Variants in IMMP2L observed in about 807,000 individuals in gnomAD.
IMMP2L encodes inner mitochondrial membrane peptidase subunit 2.
Under a neutral mutation model 19.3 loss-of-function variants are expected in IMMP2L, and 18 were observed. That is an observed-to-expected ratio of 0.93 (90% confidence interval 0.64 to 1.38). The LOEUF (loss-of-function observed/expected upper bound fraction) is 1.38, where lower values mean the gene tolerates loss of function less well. Ranked by LOEUF, IMMP2L falls within the 40% of genes most tolerant of loss-of-function variation. IMMP2L has a pLI of 0.00. For synonymous variants in IMMP2L, 76 were observed against 73.0 expected, an observed-to-expected ratio of 1.04 and a Z score of -0.21; for missense variants, 233 against 218.2, an observed-to-expected ratio of 1.07 and a Z score of -0.43.
At chr7:111,231,213 G>A (rs889317528) in intron 3 of IMMP2L, among the ~76,000 whole-genome samples, 3 of 151,836 alleles carry the variant, frequency 2.0e-5, no homozygotes, top group Non-Finnish European at 4.4e-5. Flanking sequence ...AAATGCAGGA[G>A]GTAAATTATT....
chr7:110,860,156 C>A (rs1347970328), intron 5 of IMMP2L, among the ~76,000 whole-genome samples: 3 of 151,718 alleles, frequency 2.0e-5, no homozygotes, highest in African/African-American at 7.3e-5. Context: ...GCATTATATT[C>A]CATTTTGTGG....
intron 3 of IMMP2L, among the ~76,000 whole-genome samples, chr7:111,082,653 T>C (rs1795979998): frequency 6.6e-6 from 1 of 152,178 alleles, no homozygotes; most frequent in African/African-American, 2.4e-5. Context: ...GGTTCACACA[T>C]AGGCTCTCAG....
intron 5 of IMMP2L, among the ~76,000 whole-genome samples, chr7:110,830,470 T>G (rs1257125488): frequency 6.9e-6 from 1 of 145,340 alleles, no homozygotes; most frequent in African/African-American, 2.4e-5. Flanking sequence ...TTCCTTAAAG[T>G]AAAGTGGACA....
chr7:111,016,194 C>T (rs191404039), intron 3 of IMMP2L, among the ~76,000 whole-genome samples: 29 of 151,464 alleles, frequency 1.9e-4, no homozygotes, highest in Non-Finnish European at 5.9e-5. Context: ...ATTAAAACTA[C>T]GTCTTCACTT....
At chr7:111,201,484 G>A (rs923136549) in intron 3 of IMMP2L, among the ~76,000 whole-genome samples, 2 of 146,020 alleles carry the variant, frequency 1.4e-5, no homozygotes, top group East Asian at 1.9e-4. Context: ...GGGAGGCTGA[G>A]GGGGGCAGAC....
At chr7:111,094,232 G>A (rs919973432) in intron 3 of IMMP2L, among the ~76,000 whole-genome samples, 9 of 151,844 alleles carry the variant, frequency 5.9e-5, no homozygotes, top group Non-Finnish European at 1.2e-4. Context: ...CTCTATAACC[G>A]GAGTTTCGTT....
At chr7:110,867,946 C>A (rs1029050729) in intron 5 of IMMP2L, among the ~76,000 whole-genome samples, 3 of 151,840 alleles carry the variant, frequency 2.0e-5, no homozygotes, top group Admixed American at 1.3e-4. Flanking sequence ...GTGTTGTCAC[C>A]CCCAGAGGTC....
chr7:111,377,300 G>T (rs1830763204), intron 3 of IMMP2L, among the ~76,000 whole-genome samples: 3 of 151,610 alleles, frequency 2.0e-5, no homozygotes, highest in Non-Finnish European at 4.4e-5. Flanking sequence ...TATAAAGAAG[G>T]AAAACATCCC....
At chr7:110,994,707 C>T (rs1822854980) in intron 3 of IMMP2L, among the ~76,000 whole-genome samples, 2 of 152,230 alleles carry the variant, frequency 1.3e-5, no homozygotes, top group African/African-American at 4.8e-5. Flanking sequence ...CTTGTCTAAG[C>T]CTTTGTTATT....
intron 3 of IMMP2L, among the ~76,000 whole-genome samples, chr7:111,084,084 A>G (rs571097194): frequency 6.6e-6 from 1 of 152,134 alleles, no homozygotes; most frequent in Non-Finnish European, 1.5e-5. Flanking sequence ...TGGAAGCAAG[A>G]AAGATGAACT....
chr7:110,950,081 C>T (rs10248904), intron 4 of IMMP2L, among the ~76,000 whole-genome samples: 1,656 of 152,192 alleles, frequency 0.011, 29 homozygotes, highest in African/African-American at 0.037. Context: ...TCTTTCTAGA[C>T]GTTGCACATT....
intron 3 of IMMP2L, among the ~76,000 whole-genome samples, chr7:111,033,426 A>G (rs1791033321): frequency 6.6e-6 from 1 of 152,100 alleles, no homozygotes. Context: ...TTCTAACAAA[A>G]CTAAATAGAC....
intron 3 of IMMP2L, among the ~76,000 whole-genome samples, chr7:111,224,667 C>A (rs1048373794): frequency 7.9e-5 from 12 of 152,174 alleles, no homozygotes; most frequent in Admixed American, 4.6e-4. Flanking sequence ...CCATGAGAAC[C>A]TTTCAGGAGT....
At chr7:110,968,001 C>T (rs1421777189) in intron 3 of IMMP2L, among the ~76,000 whole-genome samples, 2 of 151,928 alleles carry the variant, frequency 1.3e-5, no homozygotes, top group Non-Finnish European at 2.9e-5. Context: ...TTTAATATTG[C>T]CCATTCTCTA....
At chr7:110,812,326 C>A (rs1802100251) in intron 5 of IMMP2L, among the ~76,000 whole-genome samples, 1 of 152,016 alleles carries the variant, frequency 6.6e-6, no homozygotes, top group South Asian at 2.1e-4. Flanking sequence ...CTAGCTGAAG[C>A]AACAGCTCAT....
At chr7:111,392,642 T>A (rs1427623079) in intron 3 of IMMP2L, among the ~76,000 whole-genome samples, 1 of 152,114 alleles carries the variant, frequency 6.6e-6, no homozygotes, top group Non-Finnish European at 1.5e-5. Flanking sequence ...GGAGTTAGCA[T>A]CAGAATTTTT....
At chr7:110,885,219 G>A (rs1474364179) in intron 5 of IMMP2L, among the ~76,000 whole-genome samples, 1 of 151,578 alleles carries the variant, frequency 6.6e-6, no homozygotes, top group Admixed American at 6.6e-5. Context: ...CTTACTGGAT[G>A]AGCATATCTA....
At chr7:111,143,329 G>A (rs974027199) in intron 3 of IMMP2L, among the ~76,000 whole-genome samples, 3 of 152,038 alleles carry the variant, frequency 2.0e-5, no homozygotes, top group African/African-American at 7.3e-5. Context: ...CCCAACCTCT[G>A]CGCCAGGCTA....
At chr7:111,264,656 G>A (rs184067233) in intron 3 of IMMP2L, among the ~76,000 whole-genome samples, 8 of 151,464 alleles carry the variant, frequency 5.3e-5, no homozygotes, top group East Asian at 3.9e-4. Flanking sequence ...AAGATTAGAC[G>A]GTGAGATTGG....
Sources: allele counts gnomAD v4.1 joint callset (sites outside exome capture counted in the v4.1 genomes callset), GRCh38; gene constraint gnomAD v4.1.1; transcripts MANE v1.5; gene names NCBI Gene and HGNC (gene_info 2026-07-23, HGNC 2026-07-21).